Variants in PDE6D observed in about 807,000 individuals in gnomAD.
PDE6D encodes the protein retinal rod rhodopsin-sensitive cGMP 3',5'-cyclic phosphodiesterase subunit delta.
A neutral mutation model predicts 21.9 loss-of-function variants in PDE6D; 10 were observed. The ratio of observed to expected loss-of-function variants is 0.46; its 90% CI spans 0.28 to 0.78. The LOEUF (loss-of-function observed/expected upper bound fraction) is 0.78. Among genes scored for constraint, PDE6D ranks in the 30% least tolerant of loss-of-function variants. The pLI is 0.12. For missense variants in PDE6D, 139 were observed against 184.8 expected (o/e 0.75, Z 1.44); for synonymous variants, 59 against 63.5 (o/e 0.93, Z 0.34).
chr2:231,769,148 C>T (rs2048995792), intron 1 of PDE6D, among the ~76,000 whole-genome samples: 1 of 152,172 alleles, frequency 6.6e-6, no homozygotes, highest in Non-Finnish European at 1.5e-5. Flanking sequence ...GGATTACAGG[C>T]GTGAGCCACC....
In PDE6D at chr2:231,737,880, A is replaced by G. The variant is rs1203200548; in HGVS notation, c.265+133T>C. On this transcript the variant is annotated intron_variant, in intron 3 of 4. Coordinates refer to ENST00000287600, the MANE Select transcript of PDE6D (RefSeq NM_002601.4). ...TCACTGGGGATTCACAGTCTTGCAGAGTGTAGGAATCCTACCACAAACTGA... is the reference window on the plus strand; with the variant it reads ...TCACTGGGGATTCACAGTCTTGCAGGGTGTAGGAATCCTACCACAAACTGA... The G allele has an allele frequency of 7.1e-6, 6 of 840,676 alleles. No homozygotes were observed. The Admixed American group carries it at 8.5e-5, about 12-fold the overall frequency. The allele number at this position is 840,676 out of a possible 1,614,324, so 52.1% of individuals were successfully genotyped here.
At chr2:231,751,900 G>A (rs141198931) in intron 1 of PDE6D, among the ~76,000 whole-genome samples, 1,955 of 152,236 alleles carry the variant, frequency 0.013, 31 homozygotes, top group Non-Finnish European at 0.016. Context: ...CTTTGGAAGG[G>A]AGTTACTAAA....
rs1470743619 is a variant in PDE6D, at chr2:231,781,236, G to A, written c.-122C>T. ...AGACCTCGGGCTAGCAGCCGCAGCGGCCAGACCAGGACCGGCCTCTCTCTC... is the reference window on the plus strand; with the variant it reads ...AGACCTCGGGCTAGCAGCCGCAGCGACCAGACCAGGACCGGCCTCTCTCTC... On this transcript the variant is annotated 5_prime_UTR_variant, in exon 1 of 5. Transcript: ENST00000287600. The A allele has an allele frequency of 2.3e-6, 2 of 887,046 alleles. No individual in the cohort carries two copies. The highest frequency in any genetic ancestry group is 2.0e-5 in the Admixed American group (1 of 48,788). 54.9% of individuals were successfully genotyped at this position (887,046 alleles called of 1,614,324 possible).
chr2:231,762,481 A>G (rs539203071), intron 1 of PDE6D, among the ~76,000 whole-genome samples: 1 of 151,580 alleles, frequency 6.6e-6, no homozygotes, highest in South Asian at 2.1e-4. Context: ...AGTAGCTGGG[A>G]TTACAGGTGG....
intron 1 of PDE6D, among the ~76,000 whole-genome samples, chr2:231,767,955 C>T (rs2048985510): frequency 1.3e-5 from 2 of 151,508 alleles, no homozygotes; most frequent in African/African-American, 2.4e-5. Context: ...AAGTGATACT[C>T]CTACCTCAGC....
chr2:231,765,995 T>C (rs1240836053), intron 1 of PDE6D, among the ~76,000 whole-genome samples: 1 of 152,246 alleles, frequency 6.6e-6, no homozygotes, highest in East Asian at 1.9e-4. Context: ...ATTCTGCCTT[T>C]AGTTCCTTCT....
intron 1 of PDE6D, among the ~76,000 whole-genome samples, chr2:231,742,151 C>T (rs1300719831): frequency 6.6e-6 from 1 of 150,918 alleles, no homozygotes; most frequent in African/African-American, 2.4e-5. Context: ...GAGATGGTTT[C>T]GCTCTTGTTG....
At chr2:231,766,612 C>T (rs1211062842) in intron 1 of PDE6D, among the ~76,000 whole-genome samples, 1 of 152,192 alleles carries the variant, frequency 6.6e-6, no homozygotes, top group Non-Finnish European at 1.5e-5. Flanking sequence ...TCAAAATCTA[C>T]ATTCAGATTC....
intron 1 of PDE6D, among the ~76,000 whole-genome samples, chr2:231,752,174 T>C (rs1574624789): frequency 6.6e-6 from 1 of 152,196 alleles, no homozygotes; most frequent in East Asian, 1.9e-4. Flanking sequence ...AGGAATTCAT[T>C]TGAGTTATGG....
In PDE6D at chr2:231,742,093, G is replaced by A. The variant is rs144340851; in HGVS notation, c.51-2905C>T. Reference sequence around the variant, plus strand: ...GTAGAAAATAGGGGGACAGGGAGTGGTGCTCTTCATTAGAAACTAGATAGA... The same window carrying A: ...GTAGAAAATAGGGGGACAGGGAGTGATGCTCTTCATTAGAAACTAGATAGA... On this transcript the variant is annotated intron_variant, in intron 1 of 4. Transcript: ENST00000287600. Among the ~76,000 whole-genome samples, 1,514 of 152,064 alleles carry A rather than the reference G, an allele frequency of 1.0e-2. 10 individuals are homozygous for A. Among genetic ancestry groups the A allele is most frequent in the Middle Eastern group, 0.024 (7 of 294 alleles).
chr2:231,757,755 G>C (rs1044325167), intron 1 of PDE6D, among the ~76,000 whole-genome samples: 36 of 152,142 alleles, frequency 2.4e-4, no homozygotes, highest in African/African-American at 8.0e-4. Context: ...TGAACAGGAA[G>C]AGTATTTTTT....
rs149114697 is a variant in PDE6D at position 231,767,676 on chromosome 2, C to T, written c.50+13389G>A. On this transcript the variant is annotated intron_variant, in intron 1 of 4. Transcript: ENST00000287600. ...CAAAGTCAGCTTAAATAAGTGATTT[C>T]CATTATTTAATGAATTCTATCTACC... Among the ~76,000 whole-genome samples, 12 of 152,192 alleles carry T rather than the reference C, an allele frequency of 7.9e-5. 1 individual carries two copies. In the Middle Eastern group the frequency reaches 0.02, roughly 259 times the overall value.
chr2:231,746,431 C>A (rs952730201), intron 1 of PDE6D, among the ~76,000 whole-genome samples: 23 of 152,236 alleles, frequency 1.5e-4, no homozygotes, highest in Admixed American at 1.5e-3. Context: ...GCATGAGCCA[C>A]AGTGCCTGGC....
In PDE6D at chr2:231,774,673, T is replaced by C. The variant is rs913673315; in HGVS notation, c.50+6392A>G. Among the ~76,000 whole-genome samples the C allele has an allele frequency of 6.0e-5, 9 of 150,182 alleles. No individual in the cohort carries two copies. In the East Asian group the frequency reaches 1.4e-3, roughly 23 times the overall value. On this transcript the variant is annotated intron_variant, in intron 1 of 4. Coordinates refer to ENST00000287600, the MANE Select transcript of PDE6D (RefSeq NM_002601.4). ...GTGCAATCTCGGCTCATTGCAACCT[T>C]GGCCTCCCAGGTTCAAGTGATTCTT...
intron 1 of PDE6D, among the ~76,000 whole-genome samples, chr2:231,746,922 A>G (rs1401803605): frequency 1.3e-5 from 2 of 152,130 alleles, no homozygotes; most frequent in African/African-American, 4.8e-5. Context: ...GATCCCATAC[A>G]GTTTTCTTCC....
chr2:231,756,260 G>A (rs1379939962), intron 1 of PDE6D, among the ~76,000 whole-genome samples: 12 of 152,192 alleles, frequency 7.9e-5, no homozygotes, highest in Non-Finnish European at 2.9e-5. Flanking sequence ...GTTTGGGCAA[G>A]AAGACATATT....
intron 1 of PDE6D, among the ~76,000 whole-genome samples, chr2:231,762,901 C>T (rs989957608): frequency 2.0e-5 from 3 of 151,572 alleles, no homozygotes; most frequent in African/African-American, 7.3e-5. Context: ...GAGTTCAAGA[C>T]CAGACTGGGC....
chr2:231,780,746 G>A (rs2049109287), intron 1 of PDE6D, among the ~76,000 whole-genome samples: 1 of 151,978 alleles, frequency 6.6e-6, no homozygotes, highest in African/African-American at 2.4e-5. Flanking sequence ...TCCCGGCCGG[G>A]GATCGGAACC....
chr2:231,759,431 A>G (rs558163866), intron 1 of PDE6D, among the ~76,000 whole-genome samples: 3 of 152,194 alleles, frequency 2.0e-5, no homozygotes, highest in Non-Finnish European at 4.4e-5. Flanking sequence ...GGGGAAAAAC[A>G]GCCATTGGAG....
Sources: gnomAD v4.1 joint callset for allele counts (sites outside exome capture counted in the v4.1 genomes callset) on GRCh38, gnomAD v4.1.1 for gene constraint, MANE v1.5 for transcripts, NCBI Gene and HGNC (gene_info 2026-07-23, HGNC 2026-07-21) for gene names.